Variants in SAXO1 observed in about 807,000 individuals in gnomAD.
SAXO1 encodes the protein stabilizer of axonemal microtubules 1, also known as 4930500O09Rik.
In SAXO1, 21 loss-of-function variants were observed where a neutral mutation model predicts 17.5. The observed-to-expected ratio is 1.20, with a 90% CI of 0.85 to 1.72. The LOEUF (loss-of-function observed/expected upper bound fraction) is 1.72. SAXO1 is among the 40% of genes most tolerant of loss of function. SAXO1 has a pLI of 0.00. For missense variants in SAXO1, 843 were observed against 596.0 expected, an observed-to-expected ratio of 1.41 and a Z score of -4.32; for synonymous variants, 274 against 216.5, an observed-to-expected ratio of 1.27 and a Z score of -2.33.
chr9:18,957,087 C>T (rs565828816), intron 1 of SAXO1, among the ~76,000 whole-genome samples: 1 of 152,298 alleles, frequency 6.6e-6, no homozygotes, highest in East Asian at 1.9e-4. Context: ...AACCTAAGGG[C>T]AGCAATAAAT....
intron 1 of SAXO1, among the ~76,000 whole-genome samples, chr9:18,969,245 A>C (rs1304018497): frequency 2.0e-5 from 3 of 152,198 alleles, no homozygotes; most frequent in Non-Finnish European, 4.4e-5. Context: ...AACCAAAGGA[A>C]GCTTCCCTTC....
At chr9:19,029,818 A>G (rs575568825) in intron 1 of SAXO1, among the ~76,000 whole-genome samples, 1 of 152,334 alleles carries the variant, frequency 6.6e-6, no homozygotes, top group Admixed American at 6.5e-5. Flanking sequence ...ACAGCTGGCT[A>G]CCATACTGGA....
chr9:18,934,869 G>A (rs1479724708), intron 3 of SAXO1, among the ~76,000 whole-genome samples: 1 of 152,152 alleles, frequency 6.6e-6, no homozygotes, highest in Non-Finnish European at 1.5e-5. Flanking sequence ...CTTCCCTGCA[G>A]TGTATGGCTA....
intron 3 of SAXO1, 130 bp downstream of exon 3, chr9:18,941,507 C>G: frequency 2.0e-6 from 2 of 987,382 alleles, no homozygotes; most frequent in South Asian, 3.2e-5. Flanking sequence ...AGGCTGCTGG[C>G]CAGATCTGGC....
chr9:19,006,612 G>A (rs10757017), intron 1 of SAXO1, among the ~76,000 whole-genome samples: 1 of 152,006 alleles, frequency 6.6e-6, no homozygotes, highest in East Asian at 1.9e-4. Flanking sequence ...GGCAGGATGG[G>A]AGGGAGGGGT....
chr9:18,981,237 G>C (rs1157166960), intron 1 of SAXO1, among the ~76,000 whole-genome samples: 1 of 152,086 alleles, frequency 6.6e-6, no homozygotes, highest in South Asian at 2.1e-4. Context: ...GAAAGGAAGA[G>C]AAAGCCCCTA....
intron 1 of SAXO1, among the ~76,000 whole-genome samples, chr9:18,987,782 A>T (rs1833655392): frequency 6.6e-6 from 1 of 152,036 alleles, no homozygotes; most frequent in African/African-American, 2.4e-5. Flanking sequence ...CTGTAGTCCC[A>T]GCTACTTGGA....
chr9:18,947,227 A>C (rs1320544012), intron 2 of SAXO1, among the ~76,000 whole-genome samples: 1 of 152,164 alleles, frequency 6.6e-6, no homozygotes, highest in Non-Finnish European at 1.5e-5. Flanking sequence ...CTCTTTGAAC[A>C]AAAAATATAT....
At chr9:19,021,999 C>T (rs960135279) in intron 1 of SAXO1, among the ~76,000 whole-genome samples, 3 of 152,226 alleles carry the variant, frequency 2.0e-5, no homozygotes, top group African/African-American at 7.2e-5. Context: ...GTCCCCTTCC[C>T]CATTGTGGAA....
rs187015543 is a variant in SAXO1 at position 18,999,112 on chromosome 9, C to A, written c.38+33759G>T. ...TCAAATTCACACATAACAATATGAA[C>A]CTTAAATGTAAATGGGCTAAATGCT... On this transcript the variant is annotated intron_variant, in intron 1 of 3. Coordinates refer to ENST00000380534, the MANE Select transcript of SAXO1 (RefSeq NM_153707.4). 1.0e-3 allele frequency among the ~76,000 whole-genome samples: 153 copies of A among 152,302 alleles called. 1 individual carries two copies. The highest frequency in any genetic ancestry group is 3.5e-3 in the African/African-American group (147 of 41,564).
At chr9:18,992,495 T>A (rs1833851869) in intron 1 of SAXO1, among the ~76,000 whole-genome samples, 1 of 152,212 alleles carries the variant, frequency 6.6e-6, no homozygotes. Flanking sequence ...TAAAGACTCT[T>A]TACCAAATAA....
rs777633380 is a variant in SAXO1 at position 19,033,202 on chromosome 9, G to A, written c.-294C>T. ...CAGTCCAGACTTAAGCACCTGGAGCGGCTGACTGGGCCCCAGGAAGCTGCG... is the reference window on the plus strand; with the variant it reads ...CAGTCCAGACTTAAGCACCTGGAGCAGCTGACTGGGCCCCAGGAAGCTGCG... On this transcript the variant is annotated 5_prime_UTR_variant, in exon 1 of 4. Transcript: ENST00000380534. 61 of 348,338 alleles carry A rather than the reference G, an allele frequency of 1.8e-4. No individual in the cohort carries two copies. The highest frequency in any genetic ancestry group is 2.8e-4 in the Non-Finnish European group (54 of 193,612). The allele number at this position is 348,338 out of a possible 1,614,324, so 21.6% of individuals were successfully genotyped here. A position where few individuals can be genotyped will look rare whatever the true frequency, so the allele number is the denominator to read the frequency against.
chr9:19,047,662 T>C (rs1366873691), intron 1 of SAXO1, among the ~76,000 whole-genome samples: 1 of 152,208 alleles, frequency 6.6e-6, no homozygotes, highest in Non-Finnish European at 1.5e-5. Context: ...ATCAGACTAC[T>C]GGCTGCTAAA....
chr9:18,986,925 G>A (rs142366830), intron 1 of SAXO1, among the ~76,000 whole-genome samples: 78 of 152,240 alleles, frequency 5.1e-4, no homozygotes, highest in Middle Eastern at 3.4e-3. Flanking sequence ...TTGAGGAAGG[G>A]GTGCCCGTTT....
At chr9:18,943,790 C>T (rs971202746) in intron 2 of SAXO1, among the ~76,000 whole-genome samples, 4 of 152,328 alleles carry the variant, frequency 2.6e-5, no homozygotes, top group South Asian at 2.1e-4. Context: ...CAAAGCTGGG[C>T]GCCTGAGCTG....
At chr9:19,004,344 G>C (rs1030822139) in intron 1 of SAXO1, among the ~76,000 whole-genome samples, 2 of 152,172 alleles carry the variant, frequency 1.3e-5, no homozygotes, top group African/African-American at 4.8e-5. Flanking sequence ...CAAGGTTCTA[G>C]AACTTGCAAT....
At chr9:18,995,373 C>T (rs1012823479) in intron 1 of SAXO1, among the ~76,000 whole-genome samples, 8 of 152,154 alleles carry the variant, frequency 5.3e-5, no homozygotes, top group African/African-American at 1.9e-4. Context: ...TTAGGTCAGC[C>T]TCCTAATTTT....
chr9:18,976,398 CCTT>C (rs1833152186), intron 1 of SAXO1, among the ~76,000 whole-genome samples: 1 of 152,180 alleles, frequency 6.6e-6, no homozygotes, highest in African/African-American at 2.4e-5. Context: ...CAGGCTAAAT[CCTT>C]CTGCGTGTGG....
At chr9:19,007,741 T>G (rs1834542695) in intron 1 of SAXO1, among the ~76,000 whole-genome samples, 1 of 152,208 alleles carries the variant, frequency 6.6e-6, no homozygotes, top group Non-Finnish European at 1.5e-5. Flanking sequence ...GCTTATGAGC[T>G]AAGAATAATT....
Sources: allele counts gnomAD v4.1 joint callset (sites outside exome capture counted in the v4.1 genomes callset), GRCh38; gene constraint gnomAD v4.1.1; transcripts MANE v1.5; gene names NCBI Gene and HGNC (gene_info 2026-07-23, HGNC 2026-07-21).